The following TEX36 variants were observed in gnomAD, a reference collection of about 807,000 sequenced individuals.
TEX36 encodes the protein testis expressed 36.
In TEX36, 12 loss-of-function variants were observed where a neutral mutation model predicts 13.6. That is an observed-to-expected ratio of 0.88 (90% confidence interval 0.56 to 1.43). The LOEUF (loss-of-function observed/expected upper bound fraction) is 1.43. TEX36 is among the 40% of genes most tolerant of loss of function. The probability of loss-of-function intolerance (pLI) is 0.00; values close to 1 mark genes in which losing one functional copy is unlikely to be tolerated. For synonymous variants in TEX36, 93 were observed against 83.0 expected, an observed-to-expected ratio of 1.12 and a Z score of -0.65; for missense variants, 224 against 228.3, an observed-to-expected ratio of 0.98 and a Z score of 0.12.
chr10:125,666,561 G>T (rs991483660), intron 1 of TEX36, among the ~76,000 whole-genome samples: 1 of 152,156 alleles, frequency 6.6e-6, no homozygotes, highest in African/African-American at 2.4e-5. Context: ...CTTGATCACG[G>T]TATATTGTCT....
At chr10:125,601,766 G>T (rs972289123) in intron 3 of TEX36, among the ~76,000 whole-genome samples, 1 of 152,174 alleles carries the variant, frequency 6.6e-6, no homozygotes, top group African/African-American at 2.4e-5. Context: ...GGGACGATTT[G>T]GGGGATGTTG....
intron 3 of TEX36, among the ~76,000 whole-genome samples, chr10:125,580,225 A>G (rs2133520726): frequency 6.6e-6 from 1 of 152,316 alleles, no homozygotes; most frequent in Middle Eastern, 3.4e-3. Context: ...TCCCTTTAAC[A>G]CTCATTAAAG....
At chr10:125,651,278 C>T (rs915960236), downstream of TEX36, among the ~76,000 whole-genome samples, 11 of 152,200 alleles carry the variant, frequency 7.2e-5, no homozygotes, top group African/African-American at 2.4e-4. Flanking sequence ...ACCAGCAGCA[C>T]ATCAAAAAGC....
downstream of TEX36, among the ~76,000 whole-genome samples, chr10:125,621,247 C>T (rs766789256): frequency 5.9e-5 from 9 of 152,094 alleles, no homozygotes; most frequent in African/African-American, 9.7e-5. Flanking sequence ...TGTGGTAATT[C>T]GATTTTTCGT....
intron 3 of TEX36, among the ~76,000 whole-genome samples, chr10:125,636,449 C>T (rs566219666): frequency 4.7e-5 from 7 of 148,332 alleles, no homozygotes; most frequent in African/African-American, 1.8e-4. Context: ...CTCCTGACCT[C>T]GTGATCCACC....
At chr10:125,638,650 C>T (rs780235408) in intron 3 of TEX36, among the ~76,000 whole-genome samples, 12 of 152,238 alleles carry the variant, frequency 7.9e-5, no homozygotes, top group Non-Finnish European at 1.6e-4. Context: ...CTTCTCCCTA[C>T]GTGTCTAGTC....
intron 3 of TEX36, among the ~76,000 whole-genome samples, chr10:125,649,565 C>A (rs918057419): frequency 6.6e-6 from 1 of 152,168 alleles, no homozygotes; most frequent in African/African-American, 2.4e-5. Flanking sequence ...CTGTAAAGAC[C>A]ATCAATGCTA....
chr10:125,651,153 C>G (rs1846848721), downstream of TEX36, among the ~76,000 whole-genome samples: 1 of 152,008 alleles, frequency 6.6e-6, no homozygotes, highest in African/African-American at 2.4e-5. Context: ...TTTATGAGGC[C>G]AACATCATCA....
At chr10:125,657,230 A>G (rs1846961684) in intron 3 of TEX36, among the ~76,000 whole-genome samples, 1 of 152,204 alleles carries the variant, frequency 6.6e-6, no homozygotes, top group Non-Finnish European at 1.5e-5. Flanking sequence ...CAGGAGATGC[A>G]AGCCACATTC....
intron 1 of TEX36, among the ~76,000 whole-genome samples, chr10:125,662,293 A>G (rs1254606771): frequency 3.3e-5 from 5 of 152,152 alleles, no homozygotes; most frequent in African/African-American, 7.2e-5. Context: ...GAAGACAGAA[A>G]TGTGTTATTT....
rs140304269 is a variant in TEX36, at chr10:125,637,833, G to A, written c.265-16188C>T. ...TCCCCATAAGAACGATTTCCACTTC[G>A]CATTCTTCATTTTCTCCTGCCCCCA... On this transcript the variant is annotated intron_variant, in intron 3 of 3. Coordinates refer to the TEX36 transcript ENST00000526819. Among the ~76,000 whole-genome samples, 5 of 152,018 alleles carry A rather than the reference G, an allele frequency of 3.3e-5. No individual in the cohort carries two copies. In the South Asian group the frequency reaches 8.3e-4, roughly 25 times the overall value.
intron 3 of TEX36, among the ~76,000 whole-genome samples, chr10:125,658,270 C>A (rs1185074410): frequency 6.6e-6 from 1 of 151,504 alleles, no homozygotes; most frequent in Non-Finnish European, 1.5e-5. Context: ...AGTGACAATG[C>A]CAGTATCATA....
At chr10:125,577,666 G>A (rs1477168697) in intron 3 of TEX36, among the ~76,000 whole-genome samples, 2 of 152,148 alleles carry the variant, frequency 1.3e-5, no homozygotes, top group African/African-American at 2.4e-5. Flanking sequence ...CTCCAGGCAC[G>A]TGTACGTGTT....
At chr10:125,587,452 C>T (rs77920798) in intron 3 of TEX36, among the ~76,000 whole-genome samples, 9,112 of 152,280 alleles carry the variant, frequency 0.06, 378 homozygotes, top group Non-Finnish European at 0.093. Flanking sequence ...CCAATATTCT[C>T]ACTCCTGGAA....
intron 3 of TEX36, among the ~76,000 whole-genome samples, chr10:125,584,807 G>A (rs2133525604): frequency 6.6e-6 from 1 of 152,342 alleles, no homozygotes; most frequent in Non-Finnish European, 1.5e-5. Context: ...GGGCAGAAAT[G>A]TGAGAAAATA....
intron 3 of TEX36, among the ~76,000 whole-genome samples, chr10:125,627,079 T>C (rs1424206976): frequency 6.6e-6 from 1 of 152,220 alleles, no homozygotes; most frequent in East Asian, 1.9e-4. Flanking sequence ...CTTTGCCACT[T>C]TCCAGAGTCA....
In TEX36 at chr10:125,584,030, A is replaced by G. The variant is rs78151986; in HGVS notation, c.265-7156T>C. Among the ~76,000 whole-genome samples the G allele has an allele frequency of 3.4e-3, 513 of 152,312 alleles. 3 individuals carry two copies. The highest frequency in any genetic ancestry group is 0.012 in the African/African-American group (489 of 41,568). On this transcript the variant is annotated intron_variant, in intron 3 of 3. Transcript: ENST00000532135. ...TGGGAGCTTAGAGCAGGCCTCAGAG[A>G]CATCAAATCTTCCACTCCTGTCCTC...
intron 3 of TEX36, among the ~76,000 whole-genome samples, chr10:125,647,842 C>T (rs566206081): frequency 6.6e-6 from 1 of 152,330 alleles, no homozygotes; most frequent in East Asian, 1.9e-4. Context: ...GCAAACAGCA[C>T]ACCAGGAGAT....
At chr10:125,580,345 C>T (rs977873538) in intron 3 of TEX36, among the ~76,000 whole-genome samples, 9 of 152,310 alleles carry the variant, frequency 5.9e-5, no homozygotes, top group African/African-American at 2.2e-4. Flanking sequence ...TCCATTTGCT[C>T]TTTTGTGGTA....
Sources: allele counts gnomAD v4.1 joint callset (sites outside exome capture counted in the v4.1 genomes callset), GRCh38; gene constraint gnomAD v4.1.1; transcripts MANE v1.5; gene names NCBI Gene and HGNC (gene_info 2026-07-23, HGNC 2026-07-21).